The following ULK4 variants were observed in gnomAD, a reference collection of about 807,000 sequenced individuals.
ULK4 encodes the protein unc-51 like kinase 4.
ULK4 carries 133 observed loss-of-function variants against 160.6 expected under a neutral mutation model. That is an observed-to-expected ratio of 0.83 (90% CI 0.72 to 0.96). ULK4 has a LOEUF of 0.96. Ranked by LOEUF, ULK4 falls within the 40% of genes least tolerant of loss-of-function variation. The pLI is 0.00. For synonymous variants in ULK4, 534 were observed against 539.8 expected, an observed-to-expected ratio of 0.99 and a Z score of 0.15; for missense variants, 1,580 against 1,499.5, an observed-to-expected ratio of 1.05 and a Z score of -0.89.
At chr3:41,871,161 A>G (rs1697076688) in intron 17 of ULK4, among the ~76,000 whole-genome samples, 1 of 152,164 alleles carries the variant, frequency 6.6e-6, no homozygotes, top group Non-Finnish European at 1.5e-5. Flanking sequence ...TCATATCAGC[A>G]TAAGAATGAA....
intron 32 of ULK4, among the ~76,000 whole-genome samples, chr3:41,564,596 C>T (rs2087722917): frequency 6.6e-6 from 1 of 151,324 alleles, no homozygotes; most frequent in Admixed American, 6.6e-5. Context: ...GTAGCTGGGA[C>T]TACAGTCACC....
chr3:41,341,604 A>G (rs1236642121), intron 35 of ULK4, among the ~76,000 whole-genome samples: 1 of 152,196 alleles, frequency 6.6e-6, no homozygotes, highest in Non-Finnish European at 1.5e-5. Context: ...GCCAACCTGT[A>G]AAGGTAAAGA....
chr3:41,289,249 G>A (rs911626646), intron 35 of ULK4, among the ~76,000 whole-genome samples: 1 of 152,158 alleles, frequency 6.6e-6, no homozygotes, highest in Non-Finnish European at 1.5e-5. Context: ...CATCATGTGA[G>A]TGTACTGTAC....
intron 34 of ULK4, among the ~76,000 whole-genome samples, chr3:41,446,694 A>C (rs548219116): frequency 5.6e-4 from 68 of 121,198 alleles, no homozygotes; most frequent in Middle Eastern, 5.2e-3. Context: ...ACATGGACAC[A>C]GGAAGGGGAA....
intron 32 of ULK4, among the ~76,000 whole-genome samples, chr3:41,552,308 A>G (rs2087101127): frequency 6.6e-6 from 1 of 152,096 alleles, no homozygotes; most frequent in South Asian, 2.1e-4. Context: ...ACAGGAAAAG[A>G]GGAAGTCGAA....
chr3:41,629,446 A>C (rs2033661480), intron 30 of ULK4, among the ~76,000 whole-genome samples: 1 of 152,144 alleles, frequency 6.6e-6, no homozygotes, highest in Non-Finnish European at 1.5e-5. Context: ...TAGGCTTTCA[A>C]AGAGAACCAG....
chr3:41,847,520 TACA>T (rs1411502709), intron 17 of ULK4, among the ~76,000 whole-genome samples: 1 of 152,212 alleles, frequency 6.6e-6, no homozygotes, highest in Non-Finnish European at 1.5e-5. Context: ...CAGTAGTAAT[TACA>T]ACAACAACAC....
At chr3:41,621,615 G>A (rs1313139052) in intron 30 of ULK4, among the ~76,000 whole-genome samples, 2 of 151,946 alleles carry the variant, frequency 1.3e-5, no homozygotes, top group Non-Finnish European at 2.9e-5. Flanking sequence ...AAATTAACTC[G>A]AGATGGACTA....
At chr3:41,595,081 A>T (rs2031601839) in intron 31 of ULK4, among the ~76,000 whole-genome samples, 1 of 152,226 alleles carries the variant, frequency 6.6e-6, no homozygotes, top group Non-Finnish European at 1.5e-5. Flanking sequence ...AGATATTTTT[A>T]AAATACTTAG....
At chr3:41,747,926 G>C (rs963002111) in intron 22 of ULK4, among the ~76,000 whole-genome samples, 5 of 152,090 alleles carry the variant, frequency 3.3e-5, no homozygotes, top group Non-Finnish European at 5.9e-5. Flanking sequence ...TGTTATGACA[G>C]CCTGAGCAAA....
intron 29 of ULK4, among the ~76,000 whole-genome samples, chr3:41,676,578 T>A (rs955529098): frequency 2.6e-5 from 4 of 151,154 alleles, no homozygotes; most frequent in African/African-American, 9.9e-5. Context: ...ATACATGACT[T>A]ACAAACTTCT....
chr3:41,864,438 T>C (rs2625668), intron 17 of ULK4, among the ~76,000 whole-genome samples: 47,270 of 151,832 alleles, frequency 0.31, 10,766 homozygotes, highest in African/African-American at 0.65. Context: ...GTACTATGAG[T>C]GCTCACCGGA....
intron 31 of ULK4, among the ~76,000 whole-genome samples, chr3:41,568,928 G>C (rs1264966313): frequency 6.6e-6 from 1 of 152,154 alleles, no homozygotes; most frequent in African/African-American, 2.4e-5. Flanking sequence ...GAGTCAAGCT[G>C]GGTTTCCCAT....
At chr3:41,368,192 C>T (rs149631825) in intron 35 of ULK4, among the ~76,000 whole-genome samples, 20 of 151,866 alleles carry the variant, frequency 1.3e-4, no homozygotes, top group African/African-American at 4.6e-4. Context: ...GCACTACAGG[C>T]GCCCACCACG....
In ULK4 at chr3:41,317,061, C is replaced by CTTTTTT. The variant is rs1170201981; in HGVS notation, c.3679-67488_3679-67487insAAAAAA. ...TTTGATGTAAAATAGGCAATTACAT[C>CTTTTTT]TATTTTTTTTTTTTTTTTTTTTTTT... On this transcript the variant is annotated intron_variant, in intron 35 of 36. Transcript: ENST00000301831. 2.2e-3 allele frequency among the ~76,000 whole-genome samples: 203 copies of CTTTTTT among 92,002 alleles called. 3 individuals are homozygous for CTTTTTT. The highest frequency in any genetic ancestry group is 5.2e-3 in the African/African-American group (108 of 20,700). 60.4% of individuals were successfully genotyped at this position (92,002 alleles called of 152,430 possible). A position where few individuals can be genotyped will look rare whatever the true frequency, so the allele number is the denominator to read the frequency against.
chr3:41,510,056 C>A (rs1332259457), intron 32 of ULK4, among the ~76,000 whole-genome samples: 1 of 152,164 alleles, frequency 6.6e-6, no homozygotes, highest in Non-Finnish European at 1.5e-5. Flanking sequence ...TAAAAATTCA[C>A]CAAACAAATT....
At chr3:41,322,959 C>T (rs985817891) in intron 35 of ULK4, among the ~76,000 whole-genome samples, 44 of 150,478 alleles carry the variant, frequency 2.9e-4, no homozygotes, top group African/African-American at 8.1e-4. Context: ...TTTTTTGAGA[C>T]GGAGTTTTGC....
intron 35 of ULK4, among the ~76,000 whole-genome samples, chr3:41,284,806 G>T (rs1274885245): frequency 6.6e-6 from 1 of 152,022 alleles, no homozygotes; most frequent in Non-Finnish European, 1.5e-5. Flanking sequence ...AGAGTAAACA[G>T]AAAATTCAGA....
chr3:41,719,331 T>C (rs540531390), intron 22 of ULK4, among the ~76,000 whole-genome samples: 1 of 152,318 alleles, frequency 6.6e-6, no homozygotes, highest in African/African-American at 2.4e-5. Context: ...CACTTATCTA[T>C]ACAGATATCT....
Sources: allele counts gnomAD v4.1 joint callset (sites outside exome capture counted in the v4.1 genomes callset), GRCh38; gene constraint gnomAD v4.1.1; transcripts MANE v1.5; gene names NCBI Gene and HGNC (gene_info 2026-07-23, HGNC 2026-07-21).